Variants in ADAM32 observed in about 807,000 individuals in gnomAD.
ADAM32 encodes ADAM metallopeptidase domain 32.
A neutral mutation model predicts 114.9 loss-of-function variants in ADAM32; 89 were observed. The ratio of observed to expected loss-of-function variants is 0.77; its 90% CI spans 0.65 to 0.92. The LOEUF is 0.92. ADAM32 is among the 40% of genes least tolerant of loss of function. The pLI is 0.00. For missense variants in ADAM32, 870 were observed against 932.8 expected (o/e 0.93, Z 0.88); for synonymous variants, 285 against 307.5 (o/e 0.93, Z 0.77).
At chr8:39,270,714 T>C (rs749412576) in intron 19 of ADAM32, among the ~76,000 whole-genome samples, 162 bp from the exon 20 acceptor site, 13 of 152,324 alleles carry the variant, frequency 8.5e-5, no homozygotes, top group Non-Finnish European at 1.6e-4. Context: ...ATAAAAATGT[T>C]ATTTATTTGC....
chr8:39,233,361 C>G (rs764894967), intron 15 of ADAM32, among the ~76,000 whole-genome samples: 1 of 152,124 alleles, frequency 6.6e-6, no homozygotes, highest in Non-Finnish European at 1.5e-5. Context: ...TAGACCATAT[C>G]GGGTAACTTC....
chr8:39,158,515 T>C, intron 6 of ADAM32: 1 of 312,890 alleles, frequency 3.2e-6, no homozygotes, highest in Non-Finnish European at 6.1e-6. Context: ...CCTTGGGTCC[T>C]AGCCGGCCAG....
chr8:39,261,537 G>A (rs1171518499), intron 19 of ADAM32, among the ~76,000 whole-genome samples: 1 of 152,094 alleles, frequency 6.6e-6, no homozygotes, highest in Non-Finnish European at 1.5e-5. Flanking sequence ...ATGTCTCTTC[G>A]ATACAATGGT....
At chr8:39,137,767 T>C (rs1802892140) in intron 3 of ADAM32, among the ~76,000 whole-genome samples, 1 of 38,826 alleles carries the variant, frequency 2.6e-5, no homozygotes, top group African/African-American at 6.0e-5. Flanking sequence ...TGAGACACTG[T>C]CTCAAAAAAA....
chr8:39,252,612 A>C (rs1460050920), intron 17 of ADAM32, among the ~76,000 whole-genome samples: 3 of 151,566 alleles, frequency 2.0e-5, no homozygotes, highest in Non-Finnish European at 3.0e-5. Flanking sequence ...ATAGAAAAAT[A>C]ATAGACAAAA....
intron 16 of ADAM32, among the ~76,000 whole-genome samples, chr8:39,240,753 A>C (rs377133435): frequency 1.7e-4 from 26 of 152,282 alleles, no homozygotes; most frequent in South Asian, 6.2e-4. Context: ...AGCACAGGAA[A>C]GATCTGCCCT....
chr8:39,166,270 A>G (rs1804830668), intron 9 of ADAM32: 1 of 152,110 alleles, frequency 6.6e-6, no homozygotes. Context: ...CTTAGCTCCC[A>G]CATATTGGTC....
At chr8:39,243,707 T>C (rs964090847) in intron 16 of ADAM32, among the ~76,000 whole-genome samples, 1 of 152,146 alleles carries the variant, frequency 6.6e-6, no homozygotes, top group East Asian at 1.9e-4. Flanking sequence ...GCATTTTCCC[T>C]GAGAACAGGA....
chr8:39,253,038 G>A (rs1354307331), intron 17 of ADAM32, among the ~76,000 whole-genome samples: 4 of 151,616 alleles, frequency 2.6e-5, no homozygotes, highest in Admixed American at 1.3e-4. Context: ...AAACATGCAT[G>A]CAAAAATTTA....
chr8:39,147,304 T>C (rs983593100), intron 4 of ADAM32, 99 bp downstream of exon 4: 2 of 486,806 alleles, frequency 4.1e-6, no homozygotes, highest in East Asian at 1.3e-4. Context: ...ACAGGGGATA[T>C]ATTTAAGACA....
intron 7 of ADAM32, among the ~76,000 whole-genome samples, chr8:39,163,195 C>T (rs556727734): frequency 6.6e-6 from 1 of 152,194 alleles, no homozygotes; most frequent in Admixed American, 6.5e-5. Context: ...ACTATAAGAG[C>T]ATCCAAGTGG....
intron 10 of ADAM32, among the ~76,000 whole-genome samples, chr8:39,171,894 C>T (rs1805226600): frequency 6.6e-6 from 1 of 151,052 alleles, no homozygotes; most frequent in Non-Finnish European, 1.5e-5. Flanking sequence ...TTGCTGTGAA[C>T]AGTAAGAGGT....
At chr8:39,279,440 C>T (rs556914177) in intron 22 of ADAM32, among the ~76,000 whole-genome samples, 274 of 152,252 alleles carry the variant, frequency 1.8e-3, no homozygotes, top group African/African-American at 6.2e-3. Context: ...CCTGCCACCA[C>T]GCCTGGCTAA....
At chr8:39,279,554 T>C (rs1180539553) in intron 22 of ADAM32, among the ~76,000 whole-genome samples, 1 of 152,232 alleles carries the variant, frequency 6.6e-6, no homozygotes, top group African/African-American at 2.4e-5. Flanking sequence ...AGTACTGTGA[T>C]TGCAGGCGTG....
At chr8:39,148,362 A>G (rs1803631516) in intron 4 of ADAM32, among the ~76,000 whole-genome samples, 1 of 152,134 alleles carries the variant, frequency 6.6e-6, no homozygotes, top group Non-Finnish European at 1.5e-5. Context: ...CTTTCCCAAC[A>G]GACCCATATG....
intron 20 of ADAM32, among the ~76,000 whole-genome samples, chr8:39,272,808 T>C (rs1812815902): frequency 6.6e-6 from 1 of 152,228 alleles, no homozygotes; most frequent in South Asian, 2.1e-4. Context: ...CCTTACGTTT[T>C]ACTATAACTT....
At chr8:39,225,695 A>C (rs1228285006) in intron 14 of ADAM32, among the ~76,000 whole-genome samples, 1 of 152,152 alleles carries the variant, frequency 6.6e-6, no homozygotes, top group African/African-American at 2.4e-5. Context: ...CAGCTGACAG[A>C]AATGCATGGA....
chr8:39,202,217 T>C (rs538658608), intron 11 of ADAM32, among the ~76,000 whole-genome samples: 1 of 152,326 alleles, frequency 6.6e-6, no homozygotes, highest in East Asian at 1.9e-4. Flanking sequence ...AGCTTTTTCT[T>C]GTACCTCTGG....
intron 10 of ADAM32, among the ~76,000 whole-genome samples, chr8:39,181,445 C>T (rs1017510314): frequency 9.2e-5 from 14 of 152,164 alleles, no homozygotes; most frequent in African/African-American, 2.9e-4. Context: ...ACTCCAGACA[C>T]GCCACCTTAA....
Sources: gnomAD v4.1 joint callset for allele counts (sites outside exome capture counted in the v4.1 genomes callset) on GRCh38, gnomAD v4.1.1 for gene constraint, MANE v1.5 for transcripts, NCBI Gene and HGNC (gene_info 2026-07-23, HGNC 2026-07-21) for gene names.